Variants in GOLGA3 observed in about 807,000 individuals in gnomAD.
GOLGA3 encodes golgin subfamily A member 3.
GOLGA3 carries 75 observed loss-of-function variants against 169.4 expected under a neutral mutation model. The ratio of observed to expected loss-of-function variants is 0.44; its 90% CI spans 0.37 to 0.54. GOLGA3 has a LOEUF of 0.54. GOLGA3 is among the 20% of genes least tolerant of loss of function. GOLGA3 has a pLI of 0.00. For missense variants in GOLGA3, 1,899 were observed against 1,930.0 expected (o/e 0.98, Z 0.30); for synonymous variants, 824 against 822.4 (o/e 1.00, Z -0.03).
intron 13 of GOLGA3, among the ~76,000 whole-genome samples, chr12:132,787,377 G>A (rs2045952248): frequency 6.6e-6 from 1 of 151,720 alleles, no homozygotes; most frequent in Non-Finnish European, 1.5e-5. Context: ...CAAACCCTCA[G>A]GACCCAGGAC....
chr12:132,825,886 C>A (rs1433622007), intron 1 of GOLGA3: 4 of 964,466 alleles, frequency 4.1e-6, no homozygotes, highest in Admixed American at 3.4e-5. Context: ...AATGCCCCTT[C>A]ACTGGTGATG....
intron 12 of GOLGA3, 26 bp from the exon 13 acceptor site, chr12:132,789,316 G>A: frequency 5.8e-6 from 9 of 1,543,882 alleles, no homozygotes; most frequent in Non-Finnish European, 7.0e-6. Flanking sequence ...GCTGTGAGCG[G>A]ACGCTGGGCG....
At chr12:132,801,542 G>A (rs1949126182) in intron 8 of GOLGA3, among the ~76,000 whole-genome samples, 1 of 152,188 alleles carries the variant, frequency 6.6e-6, no homozygotes, top group South Asian at 2.1e-4. Context: ...TGAAAATGCT[G>A]GCAGAGGCTG....
At chr12:132,798,182 G>T (rs1178649619) in intron 9 of GOLGA3, among the ~76,000 whole-genome samples, 158 bp downstream of exon 9, 1 of 132,028 alleles carries the variant, frequency 7.6e-6, no homozygotes, top group Non-Finnish European at 1.6e-5. Context: ...TGAGGGGTGG[G>T]GGGGGGGTCC....
chr12:132,819,336 T>A (rs1950116494), intron 2 of GOLGA3, among the ~76,000 whole-genome samples: 3 of 151,566 alleles, frequency 2.0e-5, no homozygotes. Context: ...GAGACTATCC[T>A]GGCTAACACG....
At chr12:132,774,987 C>G in intron 22 of GOLGA3, 154 bp downstream of exon 22, 1 of 603,836 alleles carries the variant, frequency 1.7e-6, no homozygotes, top group Non-Finnish European at 2.9e-6. Flanking sequence ...ATGATTTCAT[C>G]TGTCACCCCA....
In GOLGA3 at chr12:132,813,294, G is replaced by A. The variant is rs765844407; in HGVS notation, c.519+13C>T. ...AAGCTTTCCATGAGCTTGTTCGGGAGAGGGAGACTCACCCTCTCCTGCTGG... is the reference window on the plus strand; with the variant it reads ...AAGCTTTCCATGAGCTTGTTCGGGAAAGGGAGACTCACCCTCTCCTGCTGG... On this transcript the variant is annotated intron_variant, in intron 4 of 23. Transcript: ENST00000450791. The A allele has an allele frequency of 6.5e-6, 10 of 1,547,424 alleles. No individual in the cohort carries two copies. Among genetic ancestry groups the A allele is most frequent in the Middle Eastern group, 1.8e-4 (1 of 5,582 alleles).
At position 132,807,119 on chromosome 12, in the gene GOLGA3, A is replaced by T. The variant is rs959451718; in HGVS notation, c.1290+58T>A. The T allele has an allele frequency of 3.0e-6, 3 of 989,792 alleles. No individual in the cohort carries two copies. In the African/African-American group the frequency reaches 4.8e-5, roughly 16 times the overall value. The allele number at this position is 989,792 out of a possible 1,614,324, so 61.3% of individuals were successfully genotyped here. On this transcript the variant is annotated intron_variant, in intron 6 of 23. Transcript: ENST00000450791. ...TGTGAAACCTCGTACCCAACAGAGG[A>T]GCCACACATGCTTTCCGACTTCGCC...
chr12:132,788,811 C>T (rs1052822106), intron 13 of GOLGA3, among the ~76,000 whole-genome samples: 9 of 152,176 alleles, frequency 5.9e-5, no homozygotes, highest in African/African-American at 1.4e-4. Flanking sequence ...CAGGCCTCAC[C>T]GGACTGCCCC....
intron 2 of GOLGA3, among the ~76,000 whole-genome samples, chr12:132,821,364 G>A (rs117057069): frequency 0.012 from 1,755 of 151,066 alleles, 13 homozygotes; most frequent in Non-Finnish European, 0.019. Context: ...ACGAGATCTC[G>A]CCATTGCACT....
chr12:132,792,898 GC>G, intron 11 of GOLGA3, among the ~76,000 whole-genome samples: 1 of 120,596 alleles, frequency 8.3e-6, no homozygotes, highest in East Asian at 2.6e-4. Flanking sequence ...CACGGGATCT[GC>G]ACTCGGAGGG....
At chr12:132,799,983 G>A (rs1036833574) in intron 8 of GOLGA3, among the ~76,000 whole-genome samples, 3 of 152,000 alleles carry the variant, frequency 2.0e-5, no homozygotes, top group African/African-American at 4.8e-5. Flanking sequence ...TCAAGTGATC[G>A]GCCCGCCTCG....
chr12:132,773,193 G>T lies in GOLGA3; in HGVS notation c.4409C>A (p.Pro1470His). 1 of 1,585,820 alleles carries T rather than the reference G, an allele frequency of 6.3e-7. No individual in the cohort carries two copies. The highest frequency in any genetic ancestry group is 1.8e-5 in the Admixed American group (1 of 56,626). ...WTPLEPATASPVPPGGHAGPR... is the reference protein window; with the variant it reads ...WTPLEPATASHVPPGGHAGPR... ...GCCGGCGTGACCCCCCGGGGGCACAGGGCTGGCAGTGGCTGGCTCCAGCGG... is the reference window on the plus strand; with the variant it reads ...GCCGGCGTGACCCCCCGGGGGCACATGGCTGGCAGTGGCTGGCTCCAGCGG... Residue 1470 changes from proline (P) to histidine (H), a missense_variant, in exon 24 of 24, where the codon CCT becomes CAT. Transcript: ENST00000450791.
chr12:132,821,237 T>C (rs757839692), intron 2 of GOLGA3, among the ~76,000 whole-genome samples: 1 of 149,766 alleles, frequency 6.7e-6, no homozygotes, highest in African/African-American at 2.5e-5. Flanking sequence ...AGAAACCTCA[T>C]CTCTACTAAA....
At position 132,822,236 on chromosome 12, in the gene GOLGA3, C is replaced by T; in HGVS notation, c.-108G>A. 1 of 1,437,356 alleles carries T rather than the reference C, an allele frequency of 7.0e-7. No homozygotes were observed. The highest frequency in any genetic ancestry group is 9.1e-7 in the Non-Finnish European group (1 of 1,103,122). The allele number at this position is 1,437,356 out of a possible 1,614,324, so 89.0% of individuals were successfully genotyped here. A position where few individuals can be genotyped will look rare whatever the true frequency, so the allele number is the denominator to read the frequency against. On this transcript the variant is annotated 5_prime_UTR_variant, in exon 2 of 24. Coordinates refer to ENST00000450791, the MANE Select transcript of GOLGA3 (RefSeq NM_001389683.1). ...CCAAGAGCTCCTGGGAGGGGCCCTA[C>T]TGTGTCTCCCATTTTCAGGAGAAGA...
At chr12:132,819,918 G>A (rs750404047) in intron 2 of GOLGA3, among the ~76,000 whole-genome samples, 8 of 152,024 alleles carry the variant, frequency 5.3e-5, no homozygotes, top group Non-Finnish European at 7.4e-5. Flanking sequence ...GGTGGCTCAC[G>A]CCTGCAATCC....
chr12:132,789,079 C>T lies in GOLGA3; in HGVS notation c.2759G>A (p.Gly920Glu). 1.2e-6 allele frequency: 2 copies of T among 1,609,594 alleles called. No homozygotes were observed. The highest frequency in any genetic ancestry group is 1.7e-6 in the Non-Finnish European group (2 of 1,177,546). ...QVRQHMADLE[G>E]HLQSAQKERD... ...CTCCTTCTGCGCCGACTGGAGATGC[C>T]CTTCAAGGTCCGCCATGTGCTGACG... is the stretch of plus-strand genomic sequence containing the variant. The change falls in exon 13 of 24, where the codon GGG becomes GAG. Residue 920 changes from glycine (G) to glutamate (E), a missense_variant. Gly to Glu is a moderately conservative substitution (Grantham distance 98, BLOSUM62 -2). Transcript: ENST00000450791.
chr12:132,807,002 CTCTT>C, intron 6 of GOLGA3, among the ~76,000 whole-genome samples, 171 bp downstream of exon 6: 1 of 152,242 alleles, frequency 6.6e-6, no homozygotes, highest in Middle Eastern at 3.4e-3. Flanking sequence ...AAACTCACAA[CTCTT>C]TCTAAGGCTG....
Position 132,772,225 on chromosome 12 carries a change from A to T in GOLGA3, c.*880T>A, listed in dbSNP as rs956974193. On this transcript the variant is annotated 3_prime_UTR_variant, in exon 24 of 24. Transcript: ENST00000450791. Reference sequence around the variant, plus strand: ...TCAATAATAAGTAGGTTCTTCTTCAATAACATGAGCATATGCTTCTTAAAG... The same window carrying T: ...TCAATAATAAGTAGGTTCTTCTTCATTAACATGAGCATATGCTTCTTAAAG... The T allele has an allele frequency of 6.6e-6, 1 of 152,240 alleles. No homozygotes were observed. The highest frequency in any genetic ancestry group is 2.4e-5 in the African/African-American group (1 of 41,466). 9.4% of individuals were successfully genotyped at this position (152,240 alleles called of 1,614,324 possible). A position where few individuals can be genotyped will look rare whatever the true frequency, so the allele number is the denominator to read the frequency against.
Sources: allele counts gnomAD v4.1 joint callset (sites outside exome capture counted in the v4.1 genomes callset), GRCh38; gene constraint gnomAD v4.1.1; transcripts MANE v1.5; gene names NCBI Gene and HGNC (gene_info 2026-07-23, HGNC 2026-07-21).